The following PAG1 variants were observed in gnomAD, a reference collection of about 807,000 sequenced individuals.
The protein encoded by PAG1 is phosphoprotein associated with glycosphingolipid-enriched microdomains 1.
Under a neutral mutation model 31.7 loss-of-function variants are expected in PAG1, and 23 were observed. The observed-to-expected ratio is 0.73, with a 90% confidence interval of 0.52 to 1.03. PAG1 has a LOEUF of 1.03. Ranked by LOEUF, PAG1 falls within the 50% of genes least tolerant of loss-of-function variation. The pLI is 0.00. For missense variants in PAG1, 473 were observed against 540.7 expected (o/e 0.87, Z 1.24); for synonymous variants, 214 against 210.3 (o/e 1.02, Z -0.15).
At chr8:80,989,538 C>T (rs539296433) in intron 5 of PAG1, among the ~76,000 whole-genome samples, 5 of 152,226 alleles carry the variant, frequency 3.3e-5, no homozygotes, top group South Asian at 2.1e-4. Flanking sequence ...TGTGTGCTCG[C>T]GCTCTCTCAC....
intron 3 of PAG1, among the ~76,000 whole-genome samples, chr8:81,013,743 C>A (rs1317806704): frequency 6.6e-6 from 1 of 152,094 alleles, no homozygotes; most frequent in East Asian, 1.9e-4. Context: ...CCATGCCTGG[C>A]TAATTTTTGT....
intron 3 of PAG1, among the ~76,000 whole-genome samples, chr8:81,002,217 T>C (rs1395894345): frequency 1.3e-5 from 2 of 152,176 alleles, no homozygotes; most frequent in African/African-American, 4.8e-5. Context: ...GCCACCTTTT[T>C]TTTTTTCATA....
Position 81,068,773 on chromosome 8 carries a change from C to A in PAG1, c.-175+1339G>T, listed in dbSNP as rs572203048. ...GATGGAGTAAAACTCAAGAAGTCAG[C>A]CATGTACAAAAAAGTACCACACAAC... is the stretch of plus-strand genomic sequence containing the variant. On this transcript the variant is annotated intron_variant, in intron 2 of 8. Coordinates refer to ENST00000220597, the MANE Select transcript of PAG1 (RefSeq NM_018440.4). 3.9e-5 allele frequency among the ~76,000 whole-genome samples: 6 copies of A among 152,204 alleles called. No individual in the cohort carries two copies. In the East Asian group the frequency reaches 1.2e-3, roughly 29 times the overall value.
chr8:81,101,059 TAACTC>T (rs781288802), intron 1 of PAG1, among the ~76,000 whole-genome samples: 18 of 152,226 alleles, frequency 1.2e-4, no homozygotes, highest in Admixed American at 1.3e-4. Context: ...TATTAGCAAA[TAACTC>T]AGCCAGTTGG....
chr8:81,018,567 T>C (rs1808110489), intron 3 of PAG1, among the ~76,000 whole-genome samples: 1 of 152,240 alleles, frequency 6.6e-6, no homozygotes, highest in South Asian at 2.1e-4. Flanking sequence ...GTCTTTCCCA[T>C]GCTGTTCTCA....
intron 1 of PAG1, among the ~76,000 whole-genome samples, chr8:81,100,340 C>T (rs969070054): frequency 2.6e-5 from 4 of 152,214 alleles, no homozygotes; most frequent in Admixed American, 1.3e-4. Context: ...TATCACTTTT[C>T]GTTTGCGTAA....
intron 1 of PAG1, among the ~76,000 whole-genome samples, chr8:81,086,420 G>A (rs1320346155): frequency 6.6e-6 from 1 of 151,996 alleles, no homozygotes; most frequent in Non-Finnish European, 1.5e-5. Flanking sequence ...TCCTCAGACA[G>A]GAATACATTA....
intron 3 of PAG1, among the ~76,000 whole-genome samples, chr8:81,029,150 G>A (rs996460059): frequency 2.0e-5 from 3 of 152,288 alleles, no homozygotes; most frequent in Non-Finnish European, 4.4e-5. Flanking sequence ...ACTGAGCAGC[G>A]ACAGGGGAAC....
Position 80,976,904 on chromosome 8 carries a change from G to C in PAG1, c.939C>G (p.Ile313Met), listed in dbSNP as rs755584302. The C allele has an allele frequency of 6.3e-7, 1 of 1,592,482 alleles. No individual in the cohort carries two copies. Among genetic ancestry groups the C allele is most frequent in the Non-Finnish European group, 8.5e-7 (1 of 1,171,516 alleles). ...EEDPTLTEEE[I>M]SAMYSSVNKP... ...TATTTACTGATGAGTACATAGCTGAGATCTAGGAGACAAAGGGAGAGTTGA... is the reference window on the plus strand; with the variant it reads ...TATTTACTGATGAGTACATAGCTGACATCTAGGAGACAAAGGGAGAGTTGA... Residue 313 changes from isoleucine (I) to methionine (M), a missense_variant and splice_region_variant, in exon 9 of 9, where the codon ATC becomes ATG. Physicochemically the swap from Ile to Met is conservative, Grantham distance 10 (BLOSUM62 1). Coordinates refer to ENST00000220597, the MANE Select transcript of PAG1 (RefSeq NM_018440.4).
chr8:81,066,997 CA>C (rs949367523), intron 2 of PAG1, among the ~76,000 whole-genome samples: 1 of 151,704 alleles, frequency 6.6e-6, no homozygotes, highest in Non-Finnish European at 1.5e-5. Flanking sequence ...CCCATCTCTA[CA>C]AAAAATAAAA....
intron 1 of PAG1, among the ~76,000 whole-genome samples, chr8:81,111,292 G>A (rs1444232772): frequency 6.6e-6 from 1 of 152,168 alleles, no homozygotes; most frequent in Non-Finnish European, 1.5e-5. Context: ...TCACCCCAAC[G>A]TAAACACAGA....
intron 1 of PAG1, among the ~76,000 whole-genome samples, chr8:81,077,737 C>T (rs962386310): frequency 2.6e-5 from 4 of 152,110 alleles, no homozygotes; most frequent in African/African-American, 9.7e-5. Context: ...ATCAATAATG[C>T]AAGATGTGGA....
chr8:81,043,249 GGT>G (rs376703260), intron 2 of PAG1, among the ~76,000 whole-genome samples: 1 of 152,044 alleles, frequency 6.6e-6, no homozygotes, highest in Non-Finnish European at 1.5e-5. Flanking sequence ...GTCCAGTTTT[GGT>G]ATACTGCATG....
intron 1 of PAG1, among the ~76,000 whole-genome samples, chr8:81,091,632 C>A: frequency 6.6e-6 from 1 of 151,982 alleles, no homozygotes; most frequent in East Asian, 1.9e-4. Context: ...TCTTATGGGA[C>A]CACGGTTTTA....
At chr8:81,017,933 TATG>T (rs1311425183) in intron 3 of PAG1, among the ~76,000 whole-genome samples, 1 of 152,186 alleles carries the variant, frequency 6.6e-6, no homozygotes, top group Admixed American at 6.5e-5. Context: ...GTCAAATAAT[TATG>T]ATCAGATTTA....
intron 4 of PAG1, among the ~76,000 whole-genome samples, chr8:80,992,202 T>C (rs914189354): frequency 3.3e-5 from 5 of 152,234 alleles, no homozygotes; most frequent in African/African-American, 9.6e-5. Context: ...TTGTTCATCT[T>C]CCCAATCATT....
intron 3 of PAG1, among the ~76,000 whole-genome samples, chr8:81,013,227 T>G (rs1203904258): frequency 2.0e-5 from 3 of 152,216 alleles, no homozygotes; most frequent in African/African-American, 7.2e-5. Flanking sequence ...TTGGGTTCTT[T>G]TCCTGATTTT....
At chr8:81,087,227 C>A (rs980700953) in intron 1 of PAG1, among the ~76,000 whole-genome samples, 1 of 151,774 alleles carries the variant, frequency 6.6e-6, no homozygotes, top group Non-Finnish European at 1.5e-5. Flanking sequence ...CCTGTAATCC[C>A]AGCTATTCTG....
intron 1 of PAG1, among the ~76,000 whole-genome samples, chr8:81,100,232 T>A (rs1353895669): frequency 6.6e-6 from 1 of 152,268 alleles, no homozygotes; most frequent in Non-Finnish European, 1.5e-5. Context: ...GGTATACCCC[T>A]GAGGCAAGAA....
Sources: allele counts gnomAD v4.1 joint callset (sites outside exome capture counted in the v4.1 genomes callset), GRCh38; gene constraint gnomAD v4.1.1; transcripts MANE v1.5; gene names NCBI Gene and HGNC (gene_info 2026-07-23, HGNC 2026-07-21).